The following ZSWIM5 variants were observed in gnomAD, a reference collection of about 807,000 sequenced individuals.
The protein encoded by ZSWIM5 is zinc finger SWIM domain-containing protein 5.
A neutral mutation model predicts 119.6 loss-of-function variants in ZSWIM5; 55 were observed. That is an observed-to-expected ratio of 0.46 (90% CI 0.37 to 0.58). ZSWIM5 has a LOEUF of 0.58. Among genes scored for constraint, ZSWIM5 ranks in the 20% least tolerant of loss-of-function variants. The pLI is 0.00. For synonymous variants in ZSWIM5, 537 were observed against 606.9 expected, an observed-to-expected ratio of 0.88 and a Z score of 1.69; for missense variants, 1,193 against 1,512.8, an observed-to-expected ratio of 0.79 and a Z score of 3.51.
In ZSWIM5 at chr1:45,040,558, T is replaced by C; in HGVS notation, c.1610-20A>G. 1 of 1,561,856 alleles carries C rather than the reference T, an allele frequency of 6.4e-7. No individual in the cohort carries two copies. The highest frequency in any genetic ancestry group is 8.6e-7 in the Non-Finnish European group (1 of 1,158,830). On this transcript the variant is annotated intron_variant, in intron 6 of 13. Coordinates refer to ENST00000359600, the MANE Select transcript of ZSWIM5 (RefSeq NM_020883.2). The stretch of plus-strand genomic sequence containing the variant: ...CATGCTCTACCAAGTAAGAAGAAGA[T>C]ATTTTGGTCTAGTTAAAATTTCAAG...
chr1:45,096,552 ACG>A (rs146192653), intron 1 of ZSWIM5, among the ~76,000 whole-genome samples: 249 of 144,614 alleles, frequency 1.7e-3, no homozygotes, highest in East Asian at 2.6e-3. Flanking sequence ...ACACACACAC[ACG>A]CACACACACA....
intron 1 of ZSWIM5, among the ~76,000 whole-genome samples, chr1:45,188,801 T>C (rs1646074453): frequency 6.6e-6 from 1 of 152,236 alleles, no homozygotes. Context: ...TTTGATGGTG[T>C]GCTAGACAGC....
At chr1:45,082,394 T>G (rs1645299217) in intron 2 of ZSWIM5, among the ~76,000 whole-genome samples, 1 of 151,986 alleles carries the variant, frequency 6.6e-6, no homozygotes, top group Non-Finnish European at 1.5e-5. Context: ...AACTTAAATC[T>G]ATCTTCCTCC....
chr1:45,024,512 T>C (rs1298924590), intron 11 of ZSWIM5, among the ~76,000 whole-genome samples: 2 of 151,238 alleles, frequency 1.3e-5, no homozygotes, highest in Non-Finnish European at 2.9e-5. Flanking sequence ...TTTTCATGGG[T>C]TTAAGTTTTG....
In ZSWIM5 at chr1:45,019,942, G is replaced by T. The variant is rs894956417; in HGVS notation, c.2695+124C>A. ...TACCAGCAGCCCCATCCTTTCTTAG[G>T]CCATCTCCTGATGGACCTAAGATCT... On this transcript the variant is annotated intron_variant, in intron 13 of 13. Coordinates refer to ENST00000359600, the MANE Select transcript of ZSWIM5 (RefSeq NM_020883.2). This position sits in a 1 kb window ranked among gnomAD's most constrained non-coding sequence, Gnocchi z 5.0. 2.4e-6 allele frequency: 2 copies of T among 821,852 alleles called. No homozygotes were observed. Among genetic ancestry groups the T allele is most frequent in the Non-Finnish European group, 3.9e-6 (2 of 513,362 alleles). The allele number at this position is 821,852 out of a possible 1,614,324, so 50.9% of individuals were successfully genotyped here.
intron 2 of ZSWIM5, among the ~76,000 whole-genome samples, chr1:45,063,747 C>G (rs978875981): frequency 6.6e-6 from 1 of 152,082 alleles, no homozygotes; most frequent in Non-Finnish European, 1.5e-5. Context: ...AATCCCAGCA[C>G]TTTGGGAGGC....
chr1:45,049,769 G>A (rs1417381485), intron 5 of ZSWIM5, among the ~76,000 whole-genome samples: 2 of 152,106 alleles, frequency 1.3e-5, no homozygotes, highest in African/African-American at 2.4e-5. Context: ...AGCCGAGATC[G>A]CAGTACTGCA....
At chr1:45,167,166 C>T (rs970439090) in intron 1 of ZSWIM5, among the ~76,000 whole-genome samples, 3 of 151,880 alleles carry the variant, frequency 2.0e-5, no homozygotes, top group South Asian at 2.1e-4. Context: ...GGAAATAATA[C>T]CACACATCTA....
chr1:45,045,656 G>A (rs751889055), intron 5 of ZSWIM5, among the ~76,000 whole-genome samples: 114 of 152,150 alleles, frequency 7.5e-4, no homozygotes, highest in Middle Eastern at 3.4e-3. Flanking sequence ...AGAATCCACC[G>A]GTCTGCTCAA....
intron 6 of ZSWIM5, among the ~76,000 whole-genome samples, chr1:45,042,018 T>A (rs1271706933): frequency 6.6e-6 from 1 of 152,214 alleles, no homozygotes; most frequent in African/African-American, 2.4e-5. Flanking sequence ...CAATCCCCTA[T>A]TGTTGGACAT....
intron 1 of ZSWIM5, among the ~76,000 whole-genome samples, chr1:45,200,868 C>T (rs144103808): frequency 3.9e-4 from 59 of 152,218 alleles, no homozygotes; most frequent in African/African-American, 1.3e-3. Flanking sequence ...GTATGAGAAG[C>T]TGTTATGGGC....
chr1:45,201,817 A>G (rs1300998540), intron 1 of ZSWIM5, among the ~76,000 whole-genome samples: 1 of 152,190 alleles, frequency 6.6e-6, no homozygotes, highest in Admixed American at 6.5e-5. Flanking sequence ...AAGTTGTAAC[A>G]CTCATACTAC....
intron 1 of ZSWIM5, among the ~76,000 whole-genome samples, chr1:45,106,510 G>A (rs1180922594): frequency 6.7e-6 from 1 of 149,870 alleles, no homozygotes; most frequent in Non-Finnish European, 1.5e-5. Context: ...TCTGGGAGGT[G>A]GGGAGCGCCT....
At chr1:45,200,117 ATGTACTCAT>A (rs1639153197) in intron 1 of ZSWIM5, among the ~76,000 whole-genome samples, 1 of 152,236 alleles carries the variant, frequency 6.6e-6, no homozygotes, top group South Asian at 2.1e-4. Context: ...TGATATGACA[ATGTACTCAT>A]TCATTCAATA....
intron 1 of ZSWIM5, among the ~76,000 whole-genome samples, chr1:45,180,204 C>A (rs1207993151): frequency 6.6e-6 from 1 of 152,106 alleles, no homozygotes; most frequent in Non-Finnish European, 1.5e-5. Context: ...ACAGACGGCA[C>A]CTGGAAAATC....
At chr1:45,155,963 C>T (rs1250901905) in intron 1 of ZSWIM5, among the ~76,000 whole-genome samples, 1 of 152,068 alleles carries the variant, frequency 6.6e-6, no homozygotes, top group Non-Finnish European at 1.5e-5. Context: ...GGTACACCAA[C>T]ATCTCACAAA....
At chr1:45,109,613 C>T (rs571089822) in intron 1 of ZSWIM5, among the ~76,000 whole-genome samples, 7 of 151,958 alleles carry the variant, frequency 4.6e-5, no homozygotes, top group South Asian at 2.1e-4. Context: ...GGCATGGTGG[C>T]GCGCGCCTGT....
chr1:45,071,988 G>T (rs1235876259), intron 2 of ZSWIM5, among the ~76,000 whole-genome samples: 1 of 152,104 alleles, frequency 6.6e-6, no homozygotes, highest in African/African-American at 2.4e-5. Flanking sequence ...TTAGTTTTTT[G>T]AGGAACTTTC....
rs1645158118 is a variant in ZSWIM5 at position 45,062,406 on chromosome 1, C to T, written c.953-2159G>A. On this transcript the variant is annotated intron_variant, in intron 2 of 13. Coordinates refer to ENST00000359600, the MANE Select transcript of ZSWIM5 (RefSeq NM_020883.2). ...AGGGAATTAGGAGGGCTCACATATT[C>T]ACTCATTCCACAAATACAAATTAAC... 3.3e-5 allele frequency among the ~76,000 whole-genome samples: 5 copies of T among 152,322 alleles called. No homozygotes were observed. In the South Asian group the frequency reaches 1.0e-3, roughly 32 times the overall value.
Sources: gnomAD v4.1 joint callset for allele counts (sites outside exome capture counted in the v4.1 genomes callset) on GRCh38, gnomAD v4.1.1 for gene constraint, Gnocchi (gnomAD v3.1) non-coding constraint, MANE v1.5 for transcripts, NCBI Gene and HGNC (gene_info 2026-07-23, HGNC 2026-07-21) for gene names.